The following FSIP2 variants were observed in gnomAD, a reference collection of about 807,000 sequenced individuals.
FSIP2 encodes the protein fibrous sheath interacting protein 2.
In FSIP2, 367 loss-of-function variants were observed where a neutral mutation model predicts 510.5. The ratio of observed to expected loss-of-function variants is 0.72; its 90% CI spans 0.66 to 0.78. FSIP2 has a LOEUF of 0.78. FSIP2 is among the 30% of genes least tolerant of loss of function. The pLI is 0.00. For missense variants in FSIP2, 7,594 were observed against 7,901.7 expected, an observed-to-expected ratio of 0.96 and a Z score of 1.48; for synonymous variants, 2,601 against 2,732.2, an observed-to-expected ratio of 0.95 and a Z score of 1.50.
intron 13 of FSIP2, among the ~76,000 whole-genome samples, chr2:185,781,327 T>C (rs1692844816): frequency 6.6e-6 from 1 of 152,198 alleles, no homozygotes; most frequent in Non-Finnish European, 1.5e-5. Context: ...TGCCCAGCTG[T>C]AAGCTAATGT....
chr2:185,800,999 G>A lies in FSIP2; in HGVS notation c.11693G>A (p.Ser3898Asn), dbSNP rs1288976452. The A allele has an allele frequency of 6.5e-7, 1 of 1,531,604 alleles. No homozygotes were observed. The highest frequency in any genetic ancestry group is 2.4e-5 in the East Asian group (1 of 40,828). The allele number at this position is 1,531,604 out of a possible 1,614,324, so 94.9% of individuals were successfully genotyped here. The stretch of plus-strand genomic sequence containing the variant: ...TCAGAATTAATAGAATTAGGACAGA[G>A]TAAAAGTTCTTTAGAACTCAGGAGC... ...RKSELIELGQ[S>N]KSSLELRSYD... is the part of the protein sequence containing the mutation. The change falls in exon 17 of 23, where the codon AGT becomes AAT. Residue 3898 changes from serine (S) to asparagine (N), a missense_variant. Physicochemically the swap from Ser to Asn is conservative, Grantham distance 46. Transcript: ENST00000424728.
chr2:185,758,451 A>G (rs1469654545), intron 9 of FSIP2, among the ~76,000 whole-genome samples: 1 of 151,370 alleles, frequency 6.6e-6, no homozygotes, highest in African/African-American at 2.4e-5. Flanking sequence ...TGTATGTTAT[A>G]TGTATTATAT....
At position 185,806,237 on chromosome 2, in the gene FSIP2, C is replaced by T. The variant is rs1693572969; in HGVS notation, c.16931C>T (p.Thr5644Ile). The change falls in exon 17 of 23, where the codon ACT (threonine) becomes ATT (isoleucine). Residue 5644 changes from threonine (T) to isoleucine (I), a missense_variant. By Grantham distance (89) the Thr-to-Ile change is moderately conservative. Coordinates refer to ENST00000424728, the MANE Select transcript of FSIP2 (RefSeq NM_173651.4). Reference protein sequence around the residue: ...SKRNLGTTTDTLEIRIRTSSN... With the variant: ...SKRNLGTTTDILEIRIRTSSN... ...AGAAATCTAGGGACTACAACAGATA[C>T]TTTGGAAATAAGAATTCGAACATCA... 4 of 1,609,834 alleles carry T rather than the reference C, an allele frequency of 2.5e-6. No homozygotes were observed. Among genetic ancestry groups the T allele is most frequent in the Non-Finnish European group, 3.4e-6 (4 of 1,177,906 alleles).
At chr2:185,744,462 G>A in intron 4 of FSIP2, 51 bp downstream of exon 4, 1 of 405,968 alleles carries the variant, frequency 2.5e-6, no homozygotes, top group South Asian at 5.1e-5. Context: ...TGGAAGAAAT[G>A]CTTGATTATA....
At chr2:185,755,771 A>G (rs1692235077) in intron 8 of FSIP2, among the ~76,000 whole-genome samples, 1 of 151,524 alleles carries the variant, frequency 6.6e-6, no homozygotes, top group South Asian at 2.1e-4. Flanking sequence ...AAGCAAAACT[A>G]CAATTACATT....
chr2:185,785,023 A>G (rs1046711366), intron 14 of FSIP2, among the ~76,000 whole-genome samples: 1 of 152,074 alleles, frequency 6.6e-6, no homozygotes, highest in Non-Finnish European at 1.5e-5. Flanking sequence ...TGCTGTTTGT[A>G]TGCTTTTGGA....
rs572435554 is a variant in FSIP2 at position 185,792,431 on chromosome 2, T to A, written c.5295T>A (p.Ile1765=). 6.5e-7 allele frequency: 1 copy of A among 1,533,524 alleles called. No individual in the cohort carries two copies. Among genetic ancestry groups the A allele is most frequent in the Admixed American group, 2.0e-5 (1 of 50,822 alleles). The allele number at this position is 1,533,524 out of a possible 1,614,324, so 95.0% of individuals were successfully genotyped here. Reference sequence around the variant, plus strand: ...CTCTCGAAAAAACCTTAAACAAAATTGAAGTAAAACTCAAAGAACCACATA... The same window carrying A: ...CTCTCGAAAAAACCTTAAACAAAATAGAAGTAAAACTCAAAGAACCACATA... The part of the protein sequence containing the change: ...QWALEKTLNK[I]EVKLKEPHIS... Residue 1765 remains isoleucine (I), a synonymous_variant, in exon 16 of 23, where the codon ATT becomes ATA. Coordinates refer to ENST00000424728, the MANE Select transcript of FSIP2 (RefSeq NM_173651.4).
At position 185,795,596 on chromosome 2, in the gene FSIP2, G is replaced by A. The variant is rs899303225; in HGVS notation, c.8460G>A (p.Leu2820=). The A allele has an allele frequency of 9.1e-6, 14 of 1,534,896 alleles. No individual in the cohort carries two copies. The highest frequency in any genetic ancestry group is 1.7e-4 in the Middle Eastern group (1 of 6,006). Residue 2820 remains leucine, a synonymous_variant, in exon 16 of 23, where the codon TTG becomes TTA. Coordinates refer to ENST00000424728, the MANE Select transcript of FSIP2 (RefSeq NM_173651.4). The part of the protein sequence containing the change: ...SLPKQQACFY[L]ENVSSQLEHI... ...CTAAACAACAAGCATGTTTTTACTTGGAGAATGTTTCTTCACAGCTAGAGC... is the reference window on the plus strand; with the variant it reads ...CTAAACAACAAGCATGTTTTTACTTAGAGAATGTTTCTTCACAGCTAGAGC...
intron 11 of FSIP2, 66 bp downstream of exon 11, chr2:185,762,083 A>AT (rs559111683): frequency 9.3e-6 from 7 of 756,078 alleles, no homozygotes; most frequent in African/African-American, 8.9e-5. Context: ...TTTATTATAT[A>AT]TTTTAAGTTG....
intron 3 of FSIP2, among the ~76,000 whole-genome samples, chr2:185,743,721 G>A (rs1321221946): frequency 6.6e-6 from 1 of 152,110 alleles, no homozygotes; most frequent in African/African-American, 2.4e-5. Flanking sequence ...TCTTATTGGA[G>A]TCGAACAATG....
At chr2:185,812,841 A>T (rs1260024257) in intron 17 of FSIP2, among the ~76,000 whole-genome samples, 6 of 152,080 alleles carry the variant, frequency 3.9e-5, no homozygotes. Context: ...TGATATTACA[A>T]AGGGAGGCTG....
rs544071399 is a variant in FSIP2, at chr2:185,789,930, G to A, written c.2794G>A (p.Val932Ile). ...NERIIASEETVVLLQLLEDIL... is the reference protein window; with the variant it reads ...NERIIASEETIVLLQLLEDIL... The stretch of plus-strand genomic sequence containing the variant: ...GAGAATTATTGCATCTGAAGAAACC[G>A]TAGTACTCCTTCAGCTACTTGAGGA... Residue 932 changes from valine to isoleucine, a missense_variant, in exon 16 of 23, where the codon GTA (valine) becomes ATA (isoleucine). Transcript: ENST00000424728. 381 of 1,533,378 alleles carry A rather than the reference G, an allele frequency of 2.5e-4. 5 individuals carry two copies. In the South Asian group the frequency reaches 2.5e-3, roughly 10 times the overall value. 95.0% of individuals were successfully genotyped at this position (1,533,378 alleles called of 1,614,324 possible).
At chr2:185,798,254 TTTG>T (rs1197302672) in intron 16 of FSIP2, among the ~76,000 whole-genome samples, 2 of 152,006 alleles carry the variant, frequency 1.3e-5, no homozygotes, top group African/African-American at 2.4e-5. Context: ...TCTTGAAGGC[TTTG>T]TTATTATTAT....
chr2:185,797,049 T>A lies in FSIP2; in HGVS notation c.9913T>A (p.Tyr3305Asn), dbSNP rs777693070. Residue 3305 changes from tyrosine (Y) to asparagine (N), a missense_variant, in exon 16 of 23, where the codon TAT (tyrosine) becomes AAT (asparagine). Physicochemically the swap from Tyr to Asn is moderately radical, Grantham distance 143. Coordinates refer to ENST00000424728, the MANE Select transcript of FSIP2 (RefSeq NM_173651.4). Reference protein sequence around the residue: ...GKGENLRVFHYENLKPVVEPN... With the variant: ...GKGENLRVFHNENLKPVVEPN... ...AGGTGAAAATCTAAGAGTGTTTCAT[T>A]ATGAGAACCTAAAACCAGTTGTTGA... 7 of 1,535,140 alleles carry A rather than the reference T, an allele frequency of 4.6e-6. No individual in the cohort carries two copies. In the East Asian group the frequency reaches 1.7e-4, roughly 38 times the overall value.
intron 20 of FSIP2, among the ~76,000 whole-genome samples, 173 bp downstream of exon 20, chr2:185,824,653 C>T (rs1693983443): frequency 6.6e-6 from 1 of 151,524 alleles, no homozygotes; most frequent in South Asian, 2.1e-4. Flanking sequence ...AAATACTTAG[C>T]CTTGCCTAAA....
At position 185,805,391 on chromosome 2, in the gene FSIP2, A is replaced by C; in HGVS notation, c.16085A>C (p.Lys5362Thr). The change falls in exon 17 of 23, where the codon AAA becomes ACA. Residue 5362 changes from lysine (K) to threonine (T), a missense_variant. By Grantham distance (78) the Lys-to-Thr change is moderately conservative (BLOSUM62 -1). Coordinates refer to ENST00000424728, the MANE Select transcript of FSIP2 (RefSeq NM_173651.4). Reference sequence around the variant, plus strand: ...TTTGTATATGAACAGTTCATAGAAAAATGCACATCTCATGATATTCAAAAA... The same window carrying C: ...TTTGTATATGAACAGTTCATAGAAACATGCACATCTCATGATATTCAAAAA... ...SNFVYEQFIE[K>T]CTSHDIQKGD... is the part of the protein sequence containing the mutation. The C allele has an allele frequency of 1.3e-6, 2 of 1,599,084 alleles. No homozygotes were observed. Among genetic ancestry groups the C allele is most frequent in the Non-Finnish European group, 1.7e-6 (2 of 1,174,326 alleles).
chr2:185,766,666 C>G (rs1371647904), intron 13 of FSIP2: 5 of 151,074 alleles, frequency 3.3e-5, no homozygotes, highest in African/African-American at 4.9e-5. Flanking sequence ...AGTCAGGAAA[C>G]AACAGGTGCT....
rs1294796270 is a variant in FSIP2, at chr2:185,801,925, G to A, written c.12619G>A (p.Gly4207Arg). Residue 4207 changes from glycine (G) to arginine (R), a missense_variant, in exon 17 of 23, where the codon GGA (glycine) becomes AGA (arginine). Gly to Arg is a moderately radical substitution (Grantham distance 125). Transcript: ENST00000424728. ...TIYDNQYLYTGKNLQKMVDSV... is the reference protein window; with the variant it reads ...TIYDNQYLYTRKNLQKMVDSV... ...ATATGATAATCAATATCTATATACTGGAAAAAACCTCCAAAAGATGGTGGA... is the reference window on the plus strand; with the variant it reads ...ATATGATAATCAATATCTATATACTAGAAAAAACCTCCAAAAGATGGTGGA... 3 of 1,515,166 alleles carry A rather than the reference G, an allele frequency of 2.0e-6. No homozygotes were observed. The Admixed American group carries it at 6.2e-5, about 31-fold the overall frequency. The allele number at this position is 1,515,166 out of a possible 1,614,324, so 93.9% of individuals were successfully genotyped here. A position where few individuals can be genotyped will look rare whatever the true frequency, so the allele number is the denominator to read the frequency against.
chr2:185,818,052 A>C (rs1324669129), intron 19 of FSIP2, among the ~76,000 whole-genome samples: 1 of 152,000 alleles, frequency 6.6e-6, no homozygotes, highest in African/African-American at 2.4e-5. Flanking sequence ...TACCCCAATT[A>C]CCCTGACTTG....
Sources: gnomAD v4.1 joint callset for allele counts (sites outside exome capture counted in the v4.1 genomes callset) on GRCh38, gnomAD v4.1.1 for gene constraint, MANE v1.5 for transcripts, NCBI Gene and HGNC (gene_info 2026-07-23, HGNC 2026-07-21) for gene names.